Variants in ITPKC observed in about 807,000 individuals in gnomAD.
The protein encoded by ITPKC is inositol-trisphosphate 3-kinase C.
A neutral mutation model predicts 67.1 loss-of-function variants in ITPKC; 33 were observed. The observed-to-expected ratio is 0.49, with a 90% CI of 0.37 to 0.66. ITPKC has a LOEUF of 0.66. Ranked by LOEUF, ITPKC falls within the 30% of genes least tolerant of loss-of-function variation. ITPKC has a pLI of 0.00. For synonymous variants in ITPKC, 341 were observed against 359.8 expected, an observed-to-expected ratio of 0.95 and a Z score of 0.59; for missense variants, 820 against 892.1, an observed-to-expected ratio of 0.92 and a Z score of 1.03.
Position 40,725,429 on chromosome 19 carries a change from T to G in ITPKC, c.1245T>G (p.Ser415=), listed in dbSNP as rs761080131. 5.0e-6 allele frequency: 8 copies of G among 1,605,884 alleles called. No homozygotes were observed. Among genetic ancestry groups the G allele is most frequent in the Non-Finnish European group, 6.8e-6 (8 of 1,172,390 alleles). Residue 415 remains serine (S), a synonymous_variant, in exon 2 of 7, where the codon TCT becomes TCG. Transcript: ENST00000263370. ...AACACTACCCTTGGGTCCAGCTTTCTGGACATGCTGGTAAGTGGGGTGGTG... is the reference window on the plus strand; with the variant it reads ...AACACTACCCTTGGGTCCAGCTTTCGGGACATGCTGGTAAGTGGGGTGGTG... ...FRKHYPWVQL[S]GHAGNFQAGE... is the part of the protein sequence containing the mutation.
intron 3 of ITPKC, 47 bp downstream of exon 3, chr19:40,729,462 G>A: frequency 1.3e-6 from 2 of 1,529,498 alleles, no homozygotes; most frequent in Non-Finnish European, 1.8e-6. Context: ...CAGGGGGTGG[G>A]CATTATTGAA....
At chr19:40,738,718 T>A in intron 6 of ITPKC, among the ~76,000 whole-genome samples, 1 of 152,196 alleles carries the variant, frequency 6.6e-6, no homozygotes, top group East Asian at 1.9e-4. Flanking sequence ...AAGCACTGTC[T>A]TAAGCACTTA....
In ITPKC at chr19:40,717,645, T is replaced by C; in HGVS notation, c.510T>C (p.His170=). Residue 170 remains histidine, a synonymous_variant, in exon 1 of 7, where the codon CAT becomes CAC. Coordinates refer to ENST00000263370, the MANE Select transcript of ITPKC (RefSeq NM_025194.3). ...EASPWTQPGV[H]GPWTELETHG... is the part of the protein sequence containing the mutation. ...GCCCCTGGACACAGCCAGGGGTTCA[T>C]GGGCCCTGGACAGAGCTGGAAACGC... 1 of 1,613,984 alleles carries C rather than the reference T, an allele frequency of 6.2e-7. No homozygotes were observed.
chr19:40,734,937 G>A (rs535016709), intron 4 of ITPKC, among the ~76,000 whole-genome samples: 5 of 151,960 alleles, frequency 3.3e-5, no homozygotes, highest in South Asian at 2.1e-4. Flanking sequence ...GTGCACCACC[G>A]CTCCTGGCTA....
At chr19:40,729,720 T>C (rs932065770) in intron 3 of ITPKC, among the ~76,000 whole-genome samples, 1 of 151,932 alleles carries the variant, frequency 6.6e-6, no homozygotes, top group African/African-American at 2.4e-5. Flanking sequence ...TGAGCTGAGA[T>C]TGAGCCATTG....
chr19:40,730,386 T>C (rs2082265314), intron 3 of ITPKC, among the ~76,000 whole-genome samples: 1 of 152,150 alleles, frequency 6.6e-6, no homozygotes, highest in African/African-American at 2.4e-5. Flanking sequence ...TTTCATTCTT[T>C]TAGTAGTCTT....
At chr19:40,718,357 A>G in intron 1 of ITPKC, 67 bp downstream of exon 1, 1 of 1,476,232 alleles carries the variant, frequency 6.8e-7, no homozygotes, top group Non-Finnish European at 8.9e-7. Context: ...GCCTTTGCTT[A>G]GGAAGTTCTC....
intron 1 of ITPKC, among the ~76,000 whole-genome samples, chr19:40,719,832 C>T (rs1220239990): frequency 6.6e-6 from 1 of 152,144 alleles, no homozygotes; most frequent in Non-Finnish European, 1.5e-5. Context: ...GATGAGGAAA[C>T]TGAGGCACAG....
chr19:40,717,654 G>T lies in ITPKC; in HGVS notation c.519G>T (p.Trp173Cys). The change falls in exon 1 of 7, where the codon TGG becomes TGT. Residue 173 changes from tryptophan to cysteine, a missense_variant. This residue lies in a region of ITPKC where 481 missense variants were observed against 470.1 expected (regional missense o/e 1.02). Coordinates refer to ENST00000263370, the MANE Select transcript of ITPKC (RefSeq NM_025194.3). ...CACAGCCAGGGGTTCATGGGCCCTG[G>T]ACAGAGCTGGAAACGCATGGGTCAC... is the stretch of plus-strand genomic sequence containing the variant. ...PWTQPGVHGPWTELETHGSQT... is the reference protein window; with the variant it reads ...PWTQPGVHGPCTELETHGSQT... The T allele has an allele frequency of 6.2e-7, 1 of 1,614,148 alleles. No homozygotes were observed. Among genetic ancestry groups the T allele is most frequent in the Middle Eastern group, 1.7e-4 (1 of 6,060 alleles).
chr19:40,726,029 T>G (rs1253919079), intron 2 of ITPKC, among the ~76,000 whole-genome samples: 1 of 151,114 alleles, frequency 6.6e-6, no homozygotes, highest in Non-Finnish European at 1.5e-5. Context: ...TCCCCTGAGG[T>G]CAGGAGTTTA....
chr19:40,735,585 C>G (rs570938728), intron 4 of ITPKC, among the ~76,000 whole-genome samples: 1 of 152,074 alleles, frequency 6.6e-6, no homozygotes, highest in East Asian at 1.9e-4. Flanking sequence ...CTCAGGGAAG[C>G]CCTCCCTGAT....
chr19:40,718,142 C>T lies in ITPKC; in HGVS notation c.1007C>T (p.Thr336Ile). 6.2e-7 allele frequency: 1 copy of T among 1,606,406 alleles called. No homozygotes were observed. The highest frequency in any genetic ancestry group is 1.1e-5 in the South Asian group (1 of 90,928). The part of the protein sequence containing the change: ...PVPRLIITPE[T>I]PEPEAQPVGP... Reference sequence around the variant, plus strand: ...CCCCGCCTCATCATTACCCCTGAGACCCCTGAGCCTGAGGCCCAGCCAGTG... The same window carrying T: ...CCCCGCCTCATCATTACCCCTGAGATCCCTGAGCCTGAGGCCCAGCCAGTG... Residue 336 changes from threonine to isoleucine, a missense_variant, in exon 1 of 7, where the codon ACC (threonine) becomes ATC (isoleucine). Physicochemically the swap from Thr to Ile is moderately conservative, Grantham distance 89 (BLOSUM62 -1). Coordinates refer to ENST00000263370, the MANE Select transcript of ITPKC (RefSeq NM_025194.3).
At chr19:40,731,595 GTTTTTTTTTT>G (rs776003885) in intron 3 of ITPKC, among the ~76,000 whole-genome samples, 3 of 81,068 alleles carry the variant, frequency 3.7e-5, no homozygotes, top group East Asian at 4.0e-4. Flanking sequence ...CCAATCCTTG[GTTTTTTTTTT>G]TTTTTTTTTT....
chr19:40,722,768 TTTTC>T (rs1038116392), intron 1 of ITPKC, among the ~76,000 whole-genome samples: 4 of 152,070 alleles, frequency 2.6e-5, no homozygotes, highest in East Asian at 3.9e-4. Context: ...GCTTCTCTGG[TTTTC>T]TTTCTTTCTT....
chr19:40,722,619 T>C (rs1488288270), intron 1 of ITPKC, among the ~76,000 whole-genome samples: 1 of 152,180 alleles, frequency 6.6e-6, no homozygotes, highest in Non-Finnish European at 1.5e-5. Flanking sequence ...CTTCCAGTAC[T>C]TGCTAAGGGA....
intron 2 of ITPKC, among the ~76,000 whole-genome samples, chr19:40,727,341 A>G (rs1437114079): frequency 1.7e-5 from 2 of 115,650 alleles, no homozygotes; most frequent in Non-Finnish European, 3.9e-5. Flanking sequence ...CTCAAAAATA[A>G]ATAAATAAAT....
intron 1 of ITPKC, among the ~76,000 whole-genome samples, chr19:40,722,098 T>C (rs868416128): frequency 4.6e-5 from 7 of 152,082 alleles, no homozygotes; most frequent in Admixed American, 6.6e-5. Flanking sequence ...TGCCAGGCCA[T>C]GTGCTGGGGA....
chr19:40,732,478 C>G (rs968069842), intron 3 of ITPKC, among the ~76,000 whole-genome samples: 1 of 145,042 alleles, frequency 6.9e-6, no homozygotes, highest in Non-Finnish European at 1.5e-5. Flanking sequence ...TGCAGTGACC[C>G]GAGATCACCA....
chr19:40,731,862 G>A (rs2082272726), intron 3 of ITPKC, among the ~76,000 whole-genome samples: 1 of 152,110 alleles, frequency 6.6e-6, no homozygotes, highest in Admixed American at 6.6e-5. Context: ...CTGCCTTGGG[G>A]CAGGTGAAAG....
Sources: gnomAD v4.1 joint callset for allele counts (sites outside exome capture counted in the v4.1 genomes callset) on GRCh38, gnomAD v4.1.1 for gene constraint, gnomAD v4.1.1 regional missense constraint, MANE v1.5 for transcripts, NCBI Gene and HGNC (gene_info 2026-07-23, HGNC 2026-07-21) for gene names.